The following DPP6 variants were observed in gnomAD, a reference collection of about 807,000 sequenced individuals.
DPP6 encodes A-type potassium channel modulatory protein DPP6.
In DPP6, 69 loss-of-function variants were observed where a neutral mutation model predicts 122.6. That is an observed-to-expected ratio of 0.56 (90% CI 0.46 to 0.69). The LOEUF is 0.69. Among genes scored for constraint, DPP6 ranks in the 30% least tolerant of loss-of-function variants. The pLI is 0.00. For synonymous variants in DPP6, 418 were observed against 433.1 expected, an observed-to-expected ratio of 0.97 and a Z score of 0.43; for missense variants, 928 against 1,116.9, an observed-to-expected ratio of 0.83 and a Z score of 2.41.
intron 4 of DPP6, among the ~76,000 whole-genome samples, chr7:154,565,429 T>C (rs1353982222): frequency 1.3e-5 from 2 of 152,222 alleles, no homozygotes; most frequent in African/African-American, 4.8e-5. Flanking sequence ...CCTTTAAAGA[T>C]CACTACTCAA....
At chr7:153,918,587 T>A (rs1168768363) in intron 1 of DPP6, among the ~76,000 whole-genome samples, 20,857 of 58,690 alleles carry the variant, frequency 0.36, 1,355 homozygotes, top group Non-Finnish European at 0.39. Context: ...TCTCTCTCTC[T>A]CTCTCTCTCT....
intron 1 of DPP6, among the ~76,000 whole-genome samples, chr7:153,958,002 A>G (rs1210270080): frequency 6.6e-6 from 1 of 152,054 alleles, no homozygotes; most frequent in Non-Finnish European, 1.5e-5. Flanking sequence ...CATCTCTACT[A>G]AAAATACAAA....
intron 17 of DPP6, among the ~76,000 whole-genome samples, chr7:154,857,235 A>C (rs1490661767): frequency 6.6e-6 from 1 of 152,170 alleles, no homozygotes; most frequent in East Asian, 1.9e-4. Context: ...GGAGGACAGT[A>C]GGGGTCCCAT....
intron 1 of DPP6, among the ~76,000 whole-genome samples, chr7:154,086,061 T>G (rs2150538153): frequency 6.6e-6 from 1 of 152,102 alleles, no homozygotes; most frequent in East Asian, 1.9e-4. Context: ...AATATAGACC[T>G]TTGATGAAGG....
intron 1 of DPP6, among the ~76,000 whole-genome samples, chr7:154,156,770 T>C (rs1796700625): frequency 6.7e-6 from 1 of 149,778 alleles, no homozygotes; most frequent in African/African-American, 2.5e-5. Flanking sequence ...TATAGATAGG[T>C]AGGTAGGTAG....
intron 10 of DPP6, among the ~76,000 whole-genome samples, chr7:154,789,766 T>C (rs932674976): frequency 5.9e-5 from 9 of 152,250 alleles, no homozygotes; most frequent in African/African-American, 2.2e-4. Flanking sequence ...AGCAAAAGAA[T>C]GTCCCTTTGT....
intron 5 of DPP6, among the ~76,000 whole-genome samples, chr7:154,579,683 C>G (rs574554511): frequency 0.011 from 1,672 of 152,188 alleles, 15 homozygotes; most frequent in Non-Finnish European, 0.019. Context: ...CATGGGGGGG[C>G]CCAAAGTGCA....
chr7:154,613,321 T>C (rs905007135), intron 5 of DPP6, among the ~76,000 whole-genome samples: 6 of 152,082 alleles, frequency 3.9e-5, no homozygotes, highest in Non-Finnish European at 8.8e-5. Flanking sequence ...GCTGTAAACC[T>C]TATTTAACAG....
At chr7:154,544,732 G>A (rs1462511791) in intron 4 of DPP6, among the ~76,000 whole-genome samples, 1 of 152,184 alleles carries the variant, frequency 6.6e-6, no homozygotes. Flanking sequence ...GAGTGTCGTA[G>A]GACTGAATTA....
upstream of DPP6, among the ~76,000 whole-genome samples, chr7:154,050,903 C>G (rs1435016232): frequency 6.8e-6 from 1 of 148,144 alleles, no homozygotes; most frequent in Non-Finnish European, 1.5e-5. Flanking sequence ...AAACTACACA[C>G]TGGATTGAAA....
At chr7:154,530,811 C>A (rs4725549) in intron 3 of DPP6, among the ~76,000 whole-genome samples, 4,232 of 152,192 alleles carry the variant, frequency 0.028, 92 homozygotes, top group South Asian at 0.083. Flanking sequence ...CTATACTATG[C>A]AGCCACAAAA....
intron 1 of DPP6, among the ~76,000 whole-genome samples, chr7:154,073,559 C>T (rs1444586132): frequency 6.6e-6 from 1 of 152,220 alleles, no homozygotes; most frequent in Non-Finnish European, 1.5e-5. Context: ...TCTATACTTA[C>T]CTTTACACAA....
the DPP6 span, among the ~76,000 whole-genome samples, chr7:153,881,714 C>T: frequency 1.3e-5 from 2 of 152,158 alleles, no homozygotes; most frequent in South Asian, 4.1e-4. Flanking sequence ...CCCTCATTTC[C>T]ATCACCCAGC....
chr7:154,034,044 C>G (rs769774747), intron 1 of DPP6, among the ~76,000 whole-genome samples: 2 of 152,182 alleles, frequency 1.3e-5, no homozygotes, highest in Non-Finnish European at 2.9e-5. Context: ...CTGTGAACGA[C>G]GTGAATGCCA....
intron 1 of DPP6, among the ~76,000 whole-genome samples, chr7:154,093,527 A>C (rs1805043626): frequency 7.6e-6 from 1 of 132,366 alleles, no homozygotes; most frequent in Non-Finnish European, 1.6e-5. Context: ...TACACCATAC[A>C]TACCCACACA....
chr7:154,450,756 T>C (rs1281246640), intron 2 of DPP6, among the ~76,000 whole-genome samples: 1 of 152,158 alleles, frequency 6.6e-6, no homozygotes, highest in Non-Finnish European at 1.5e-5. Context: ...AATCCTTGTT[T>C]TGTTTTATGG....
At chr7:154,813,656 A>C (rs2150480630) in intron 16 of DPP6, among the ~76,000 whole-genome samples, 1 of 152,168 alleles carries the variant, frequency 6.6e-6, no homozygotes, top group East Asian at 1.9e-4. Flanking sequence ...CTATCTATGT[A>C]ATACAGAGAG....
At chr7:154,104,808 C>T (rs1481010165) in intron 1 of DPP6, among the ~76,000 whole-genome samples, 8 of 152,132 alleles carry the variant, frequency 5.3e-5, no homozygotes, top group Admixed American at 2.0e-4. Flanking sequence ...TGTGTGCTTA[C>T]GTAACAAACA....
chr7:154,796,333 A>G, intron 12 of DPP6: 1 of 158,458 alleles, frequency 6.3e-6, no homozygotes, highest in Non-Finnish European at 1.4e-5. Flanking sequence ...ACCCGTCCTC[A>G]GGGACATAAC....
Sources: allele counts gnomAD v4.1 joint callset (sites outside exome capture counted in the v4.1 genomes callset), GRCh38; gene constraint gnomAD v4.1.1; transcripts MANE v1.5; gene names NCBI Gene and HGNC (gene_info 2026-07-23, HGNC 2026-07-21).